The following AP3B1 variants were observed in gnomAD, a reference collection of about 807,000 sequenced individuals.
AP3B1 encodes the protein adaptor related protein complex 3 subunit beta 1.
Under a neutral mutation model 132.5 loss-of-function variants are expected in AP3B1, and 61 were observed. That is an observed-to-expected ratio of 0.46 (90% CI 0.37 to 0.57). The LOEUF (loss-of-function observed/expected upper bound fraction) is 0.57, where lower values mean the gene tolerates loss of function less well. Among genes scored for constraint, AP3B1 ranks in the 20% least tolerant of loss-of-function variants. The pLI is 0.00. For missense variants in AP3B1, 1,120 were observed against 1,289.4 expected (o/e 0.87, Z 2.01); for synonymous variants, 388 against 438.3 (o/e 0.89, Z 1.43).
At chr5:78,256,855 A>ATGCT (rs769828998) in intron 2 of AP3B1, among the ~76,000 whole-genome samples, 9 of 152,158 alleles carry the variant, frequency 5.9e-5, no homozygotes, top group Non-Finnish European at 1.2e-4. Context: ...GGATGCAAGG[A>ATGCT]TGCTTCAACA....
chr5:78,127,208 A>G (rs542451212), intron 17 of AP3B1, among the ~76,000 whole-genome samples: 14 of 152,324 alleles, frequency 9.2e-5, no homozygotes, highest in African/African-American at 3.1e-4. Flanking sequence ...TCACTTTCCC[A>G]CAGGAATTAG....
rs1161372426 is a variant in AP3B1, at chr5:78,037,384, A to G, written c.2809+1659T>C. On this transcript the variant is annotated intron_variant, in intron 23 of 26. Transcript: ENST00000255194. ...CCTTGGCAATATATTAATGTCACAC[A>G]TTATATAATAAAAATTAGGATACTT... is the stretch of plus-strand genomic sequence containing the variant. Among the ~76,000 whole-genome samples, 3 of 152,170 alleles carry G rather than the reference A, an allele frequency of 2.0e-5. No individual in the cohort carries two copies. In the East Asian group the frequency reaches 5.8e-4, roughly 29 times the overall value.
chr5:78,058,586 G>A (rs1748914162), intron 22 of AP3B1, among the ~76,000 whole-genome samples: 1 of 152,032 alleles, frequency 6.6e-6, no homozygotes, highest in Admixed American at 6.5e-5. Context: ...CTGACCTGAA[G>A]CATCAAAGAG....
intron 15 of AP3B1, among the ~76,000 whole-genome samples, chr5:78,134,149 C>CAAAAAAAAAAAAAAAAAAAAAAAAAA (rs397961933): frequency 1.3e-5 from 1 of 74,198 alleles, no homozygotes; most frequent in African/African-American, 5.5e-5. Context: ...AGACTCGCCT[C>CAAAAAAAAAAAAAAAAAAAAAAAAAA]AAAAAAAAAA....
intron 7 of AP3B1, among the ~76,000 whole-genome samples, chr5:78,202,203 A>C (rs954877643): frequency 1.3e-5 from 2 of 152,170 alleles, no homozygotes; most frequent in Non-Finnish European, 2.9e-5. Context: ...CATGATTGTA[A>C]GGCCTCCCCA....
At chr5:78,102,246 A>C (rs1197683670) in intron 20 of AP3B1, among the ~76,000 whole-genome samples, 1 of 152,170 alleles carries the variant, frequency 6.6e-6, no homozygotes, top group Admixed American at 6.5e-5. Flanking sequence ...TACATGAACA[A>C]AAGCATTACG....
At chr5:78,159,776 TC>T (rs1052226612) in intron 13 of AP3B1, among the ~76,000 whole-genome samples, 31 of 152,306 alleles carry the variant, frequency 2.0e-4, no homozygotes, top group African/African-American at 7.2e-4. Flanking sequence ...GCCTTCTCAT[TC>T]CCCTCAGGTA....
At chr5:78,173,256 G>A (rs1225806497) in intron 11 of AP3B1, among the ~76,000 whole-genome samples, 49 of 152,196 alleles carry the variant, frequency 3.2e-4, no homozygotes, top group Non-Finnish European at 3.8e-4. Context: ...GGAGGGTTCT[G>A]TAGATGTCTA....
chr5:78,154,447 T>C (rs1209161256), intron 14 of AP3B1, among the ~76,000 whole-genome samples: 3 of 152,200 alleles, frequency 2.0e-5, no homozygotes, highest in African/African-American at 7.2e-5. Context: ...TTAAATCTGC[T>C]TGAAGTTCTA....
At chr5:78,204,516 C>A (rs1450986311) in intron 7 of AP3B1, among the ~76,000 whole-genome samples, 1 of 152,200 alleles carries the variant, frequency 6.6e-6, no homozygotes, top group Admixed American at 6.5e-5. Context: ...CCCATATTAT[C>A]CACAGGAGCT....
At chr5:78,136,549 T>A (rs1752918043) in intron 15 of AP3B1, among the ~76,000 whole-genome samples, 1 of 152,170 alleles carries the variant, frequency 6.6e-6, no homozygotes, top group Admixed American at 6.5e-5. Context: ...ATATTCATGC[T>A]CATTAGGAGG....
chr5:78,050,262 C>A (rs1748523536), intron 22 of AP3B1, among the ~76,000 whole-genome samples: 1 of 152,098 alleles, frequency 6.6e-6, no homozygotes, highest in Non-Finnish European at 1.5e-5. Flanking sequence ...CACTTAATAC[C>A]TTCTCTAACA....
chr5:78,228,984 G>A (rs1171603737), intron 3 of AP3B1, among the ~76,000 whole-genome samples: 3 of 152,208 alleles, frequency 2.0e-5, no homozygotes, highest in Admixed American at 6.5e-5. Context: ...ACAGGGTGCA[G>A]TGCAATAGCA....
intron 26 of AP3B1, among the ~76,000 whole-genome samples, chr5:78,014,445 G>C (rs1406952938): frequency 6.6e-6 from 1 of 152,040 alleles, no homozygotes; most frequent in Non-Finnish European, 1.5e-5. Context: ...AAGCACATAA[G>C]AAGTTATAAC....
At chr5:78,183,567 A>G (rs938023807) in intron 7 of AP3B1, among the ~76,000 whole-genome samples, 1 of 152,224 alleles carries the variant, frequency 6.6e-6, no homozygotes, top group Non-Finnish European at 1.5e-5. Context: ...AGAAGGTTTT[A>G]GCAAAGAATT....
At chr5:78,293,657 AAAT>A (rs1420493218) in intron 1 of AP3B1, among the ~76,000 whole-genome samples, 34 of 152,174 alleles carry the variant, frequency 2.2e-4, no homozygotes, top group Non-Finnish European at 3.4e-4. Flanking sequence ...GAAAGATTTA[AAAT>A]AAGAGAAATG....
intron 26 of AP3B1, among the ~76,000 whole-genome samples, chr5:78,008,256 C>T (rs565843669): frequency 3.9e-5 from 6 of 152,116 alleles, no homozygotes; most frequent in African/African-American, 1.4e-4. Context: ...TGATTCCTTA[C>T]AAAATTGTCA....
intron 11 of AP3B1, among the ~76,000 whole-genome samples, chr5:78,175,144 G>A (rs1053744558): frequency 2.0e-5 from 3 of 152,238 alleles, no homozygotes; most frequent in Non-Finnish European, 4.4e-5. Context: ...CCGTGGCTAG[G>A]AAAGGGAAAT....
chr5:78,158,894 C>T (rs1035603879), intron 13 of AP3B1, among the ~76,000 whole-genome samples: 6 of 152,072 alleles, frequency 3.9e-5, no homozygotes, highest in Admixed American at 1.3e-4. Context: ...GATGGGGTTT[C>T]GCCATGTTGG....
Sources: gnomAD v4.1 joint callset for allele counts (sites outside exome capture counted in the v4.1 genomes callset) on GRCh38, gnomAD v4.1.1 for gene constraint, MANE v1.5 for transcripts, NCBI Gene and HGNC (gene_info 2026-07-23, HGNC 2026-07-21) for gene names.